AGBL4: variants seen among roughly 807,000 people sequenced by gnomAD.
AGBL4 encodes cytosolic carboxypeptidase 6.
Under a neutral mutation model 66.4 loss-of-function variants are expected in AGBL4, and 58 were observed. The ratio of observed to expected loss-of-function variants is 0.87; its 90% confidence interval spans 0.71 to 1.09. AGBL4 has a LOEUF of 1.09. Among genes scored for constraint, AGBL4 ranks in the 50% least tolerant of loss-of-function variants. AGBL4 has a pLI of 0.00. For missense variants in AGBL4, 579 were observed against 631.0 expected, an observed-to-expected ratio of 0.92 and a Z score of 0.88; for synonymous variants, 234 against 222.9, an observed-to-expected ratio of 1.05 and a Z score of -0.44.
In AGBL4 at chr1:49,566,316, C is replaced by A. The variant is rs143199855; in HGVS notation, c.282+130997G>T. Among the ~76,000 whole-genome samples the A allele has an allele frequency of 3.3e-5, 5 of 152,326 alleles. No homozygotes were observed. The South Asian group carries it at 1.0e-3, about 32-fold the overall frequency. On this transcript the variant is annotated intron_variant, in intron 3 of 13. Transcript: ENST00000371839. Reference sequence around the variant, plus strand: ...CTCTCAATTCATCAAAGTTACACTCCGTCCAGCTTTGTTCCGTTGCTGGTG... The same window carrying A: ...CTCTCAATTCATCAAAGTTACACTCAGTCCAGCTTTGTTCCGTTGCTGGTG...
intron 2 of AGBL4, among the ~76,000 whole-genome samples, chr1:49,726,330 G>C (rs186138601): frequency 6.6e-6 from 1 of 152,074 alleles, no homozygotes; most frequent in Non-Finnish European, 1.5e-5. Context: ...TAAAGGAGAT[G>C]CAAGAGTCAA....
rs892690121 is a variant in AGBL4, at chr1:48,696,460, C to T, written c.635-33219G>A. Reference sequence around the variant, plus strand: ...GGACCTTTAGGTCAACCTTACCATACAAAAAGGGAAATGAGGCCCAAGGTC... The same window carrying T: ...GGACCTTTAGGTCAACCTTACCATATAAAAAGGGAAATGAGGCCCAAGGTC... On this transcript the variant is annotated intron_variant, in intron 6 of 13. Coordinates refer to ENST00000371839, the MANE Select transcript of AGBL4 (RefSeq NM_032785.4). Among the ~76,000 whole-genome samples, 7 of 152,218 alleles carry T rather than the reference C, an allele frequency of 4.6e-5. No homozygotes were observed. The Middle Eastern group carries it at 0.014, about 296-fold the overall frequency.
At chr1:49,323,770 G>GAA (rs74260635) in intron 3 of AGBL4, among the ~76,000 whole-genome samples, 28 of 125,076 alleles carry the variant, frequency 2.2e-4, no homozygotes, top group African/African-American at 6.7e-4. Context: ...CCCCGTTTCA[G>GAA]AAAAAAAAAA....
intron 6 of AGBL4, chr1:48,742,719 C>T (rs1441485356): frequency 2.5e-6 from 4 of 1,609,936 alleles, no homozygotes; most frequent in African/African-American, 1.3e-5. Flanking sequence ...TCCGTAACTC[C>T]GGCTCGGGCT....
chr1:49,469,919 G>T (rs994181218), intron 3 of AGBL4: 1 of 151,858 alleles, frequency 6.6e-6, no homozygotes, highest in Non-Finnish European at 1.5e-5. Context: ...TACGAGACAG[G>T]ACTGGATATA....
chr1:49,352,366 C>CTTTTTT (rs35699154), intron 3 of AGBL4, among the ~76,000 whole-genome samples: 26 of 83,128 alleles, frequency 3.1e-4, no homozygotes, highest in East Asian at 9.6e-4. Context: ...TGAATTGAAG[C>CTTTTTT]TTTTTTTTTT....
At chr1:49,125,951 G>A (rs1175891271) in intron 4 of AGBL4, among the ~76,000 whole-genome samples, 7 of 152,142 alleles carry the variant, frequency 4.6e-5, no homozygotes, top group Admixed American at 4.6e-4. Flanking sequence ...TCTTAGGCAT[G>A]AAAAATATCA....
intron 4 of AGBL4, among the ~76,000 whole-genome samples, chr1:49,158,111 A>G (rs964571281): frequency 2.0e-5 from 3 of 152,106 alleles, no homozygotes; most frequent in Non-Finnish European, 4.4e-5. Flanking sequence ...AATGTTGGGA[A>G]AACTAGCTAG....
chr1:48,969,182 T>C (rs1658703561), intron 5 of AGBL4, among the ~76,000 whole-genome samples: 1 of 151,494 alleles, frequency 6.6e-6, no homozygotes, highest in Non-Finnish European at 1.5e-5. Flanking sequence ...TTTCCATATG[T>C]TTGGTCTGCA....
chr1:48,551,923 G>A (rs1644254491), intron 11 of AGBL4, among the ~76,000 whole-genome samples: 1 of 152,086 alleles, frequency 6.6e-6, no homozygotes, highest in South Asian at 2.1e-4. Flanking sequence ...AGAGGCTGGT[G>A]GGCTAGATCA....
At chr1:49,862,599 C>T (rs1646601345) in intron 1 of AGBL4, among the ~76,000 whole-genome samples, 1 of 151,998 alleles carries the variant, frequency 6.6e-6, no homozygotes, top group Non-Finnish European at 1.5e-5. Context: ...ATTTAATAAT[C>T]AAACTCCTAA....
At position 49,724,560 on chromosome 1, in the gene AGBL4, T is replaced by C. The variant is rs1648867767; in HGVS notation, c.158-27123A>G. Among the ~76,000 whole-genome samples the C allele has an allele frequency of 5.3e-5, 8 of 152,266 alleles. No homozygotes were observed. The South Asian group carries it at 1.4e-3, about 28-fold the overall frequency. ...ACAATAGAGAACTTAATCCGGTTTA[T>C]GGATAAAAGTATTCCATTCTTATTA... On this transcript the variant is annotated intron_variant, in intron 2 of 13. Transcript: ENST00000371839.
intron 1 of AGBL4, among the ~76,000 whole-genome samples, chr1:50,009,409 A>G (rs1661364443): frequency 6.6e-6 from 1 of 152,216 alleles, no homozygotes; most frequent in South Asian, 2.1e-4. Context: ...TAAAGGACAA[A>G]AACCATATAA....
chr1:48,977,640 T>C (rs1025817099), intron 5 of AGBL4, among the ~76,000 whole-genome samples: 1 of 152,088 alleles, frequency 6.6e-6, no homozygotes, highest in African/African-American at 2.4e-5. Flanking sequence ...AATGGCTCCA[T>C]TGAAGTAGAA....
At chr1:49,403,154 G>A (rs1645123547) in intron 3 of AGBL4, among the ~76,000 whole-genome samples, 1 of 152,144 alleles carries the variant, frequency 6.6e-6, no homozygotes, top group East Asian at 1.9e-4. Flanking sequence ...TTATATATGT[G>A]AGTGCTACAG....
intron 9 of AGBL4, 125 bp from the exon 10 acceptor site, chr1:48,591,110 A>ACC: frequency 1.4e-6 from 1 of 728,092 alleles, no homozygotes; most frequent in Non-Finnish European, 2.0e-6. Flanking sequence ...ACACACACAC[A>ACC]CACATCAAGC....
chr1:49,124,070 C>T (rs1429803514), intron 4 of AGBL4, among the ~76,000 whole-genome samples: 1 of 152,108 alleles, frequency 6.6e-6, no homozygotes, highest in Non-Finnish European at 1.5e-5. Context: ...ATAGACATGG[C>T]CAGCTGGAGG....
intron 1 of AGBL4, among the ~76,000 whole-genome samples, chr1:50,016,895 G>T (rs988685378): frequency 3.9e-5 from 6 of 152,058 alleles, no homozygotes; most frequent in African/African-American, 1.4e-4. Context: ...ATTTCTCAAA[G>T]AACTTAGAAC....
chr1:49,682,517 T>C (rs1646714721), intron 3 of AGBL4, among the ~76,000 whole-genome samples: 1 of 152,248 alleles, frequency 6.6e-6, no homozygotes, highest in African/African-American at 2.4e-5. Context: ...TCACTTTTGA[T>C]GCTTATTCAA....
Sources: allele counts gnomAD v4.1 joint callset (sites outside exome capture counted in the v4.1 genomes callset), GRCh38; gene constraint gnomAD v4.1.1; transcripts MANE v1.5; gene names NCBI Gene and HGNC (gene_info 2026-07-23, HGNC 2026-07-21).